Variants in SGPP1 observed in about 807,000 individuals in gnomAD.
The protein encoded by SGPP1 is hSPP1.
A neutral mutation model predicts 33.0 loss-of-function variants in SGPP1; 21 were observed. The observed-to-expected ratio is 0.64, with a 90% CI of 0.45 to 0.92. The LOEUF is 0.92. Among genes scored for constraint, SGPP1 ranks in the 40% least tolerant of loss-of-function variants. The pLI is 0.00. For missense variants in SGPP1, 543 were observed against 589.4 expected (o/e 0.92, Z 0.81); for synonymous variants, 239 against 241.2 (o/e 0.99, Z 0.08).
rs144043622 is a variant in SGPP1, at chr14:63,703,075, C to T, written c.685-4417G>A. Among the ~76,000 whole-genome samples the T allele has an allele frequency of 1.2e-4, 18 of 151,996 alleles. No homozygotes were observed. The East Asian group carries it at 2.7e-3, about 23-fold the overall frequency. The stretch of plus-strand genomic sequence containing the variant: ...GGGCTACTATACCCCCATTCACAGA[C>T]GAAGTGATCCTAAAGATAGAAAATC... On this transcript the variant is annotated intron_variant, in intron 1 of 2. Transcript: ENST00000247225.
chr14:63,689,732 G>A (rs1054117178), intron 2 of SGPP1, among the ~76,000 whole-genome samples: 1 of 151,916 alleles, frequency 6.6e-6, no homozygotes, highest in Non-Finnish European at 1.5e-5. Flanking sequence ...CGGAGGTGGA[G>A]GTTGCAGTGA....
chr14:63,715,869 T>C (rs534992475), intron 1 of SGPP1, among the ~76,000 whole-genome samples: 1 of 152,300 alleles, frequency 6.6e-6, no homozygotes, highest in African/African-American at 2.4e-5. Context: ...AAAGCTCATA[T>C]AAGCTTGCAA....
chr14:63,688,628 C>T lies in SGPP1; in HGVS notation c.775-1972G>A, dbSNP rs933091474. Among the ~76,000 whole-genome samples the T allele has an allele frequency of 2.6e-5, 4 of 152,056 alleles. No homozygotes were observed. The South Asian group carries it at 8.3e-4, about 31-fold the overall frequency. On this transcript the variant is annotated intron_variant, in intron 2 of 2. Coordinates refer to ENST00000247225, the MANE Select transcript of SGPP1 (RefSeq NM_030791.4). ...TTTATATTCACTGTCTCCACTTCCTCACCTCTGATTTTTCTCTAAACTCAC... is the reference window on the plus strand; with the variant it reads ...TTTATATTCACTGTCTCCACTTCCTTACCTCTGATTTTTCTCTAAACTCAC...
chr14:63,694,123 G>C (rs1308454834), intron 2 of SGPP1, among the ~76,000 whole-genome samples: 1 of 151,660 alleles, frequency 6.6e-6, no homozygotes, highest in Non-Finnish European at 1.5e-5. Context: ...CTTCCAAAAA[G>C]AAAAAATAGA....
chr14:63,700,815 CTT>C (rs1885282235), intron 1 of SGPP1, among the ~76,000 whole-genome samples: 1 of 152,094 alleles, frequency 6.6e-6, no homozygotes, highest in Non-Finnish European at 1.5e-5. Context: ...AAAAAAGTGA[CTT>C]ATGCCACTTT....
Position 63,714,010 on chromosome 14 carries a change from G to A in SGPP1, c.684+13251C>T, listed in dbSNP as rs76850014. ...CCAGAAGGTTAACTGGATTCTTTGG[G>A]AGATGGGACAGACTTTTCTTCTGCT... On this transcript the variant is annotated intron_variant, in intron 1 of 2. Transcript: ENST00000247225. 1.6e-4 allele frequency among the ~76,000 whole-genome samples: 24 copies of A among 152,300 alleles called. No homozygotes were observed. In the East Asian group the frequency reaches 4.2e-3, roughly 27 times the overall value.
At position 63,727,553 on chromosome 14, in the gene SGPP1, A is replaced by T. The variant is rs1885911330; in HGVS notation, c.392T>A (p.Leu131Gln). The change falls in exon 1 of 3, where the codon CTG becomes CAG. Residue 131 changes from leucine to glutamine, a missense_variant. By Grantham distance (113) the Leu-to-Gln change is moderately radical. Transcript: ENST00000247225. The stretch of plus-strand genomic sequence containing the variant: ...GCCCAGCTCCGTGCCGAAGCAGAAC[A>T]GGCAGTAGAGCGGCCAGTTGCTCAC... ...ARVSNWPLYC[L>Q]FCFGTELGNE... is the part of the protein sequence containing the mutation. 6.2e-7 allele frequency: 1 copy of T among 1,610,794 alleles called. No homozygotes were observed. Among genetic ancestry groups the T allele is most frequent in the Non-Finnish European group, 8.5e-7 (1 of 1,178,918 alleles).
chr14:63,709,374 C>CA (rs1206188352), intron 1 of SGPP1, among the ~76,000 whole-genome samples: 5,098 of 86,794 alleles, frequency 0.059, 86 homozygotes, highest in East Asian at 0.12. Flanking sequence ...GTCTCTGTCT[C>CA]AAAAAAAAAA....
In SGPP1 at chr14:63,723,896, G is replaced by C. The variant is rs796796653; in HGVS notation, c.684+3365C>G. 6.0e-5 allele frequency among the ~76,000 whole-genome samples: 9 copies of C among 150,468 alleles called. No homozygotes were observed. The East Asian group carries it at 1.4e-3, about 23-fold the overall frequency. On this transcript the variant is annotated intron_variant, in intron 1 of 2. Coordinates refer to ENST00000247225, the MANE Select transcript of SGPP1 (RefSeq NM_030791.4). ...AGTTTGTACGCTGTCTTTTTTTTTTGAGATAGGGTCTTGCCCTGTCATCTA... is the reference window on the plus strand; with the variant it reads ...AGTTTGTACGCTGTCTTTTTTTTTTCAGATAGGGTCTTGCCCTGTCATCTA...
At position 63,685,215 on chromosome 14, in the gene SGPP1, T is replaced by G. The variant is rs529011086; in HGVS notation, c.*890A>C. ...TCTTTCTAAATAAAGGCTAAAGAGT[T>G]AAGGGTAATTTACTTTTATGCCTGT... On this transcript the variant is annotated 3_prime_UTR_variant, in exon 3 of 3. Coordinates refer to ENST00000247225, the MANE Select transcript of SGPP1 (RefSeq NM_030791.4). 1 of 152,622 alleles carries G rather than the reference T, an allele frequency of 6.6e-6. No individual in the cohort carries two copies. Among genetic ancestry groups the G allele is most frequent in the East Asian group, 1.9e-4 (1 of 5,188 alleles). 9.5% of individuals were successfully genotyped at this position (152,622 alleles called of 1,614,324 possible).
At chr14:63,705,595 G>A (rs1366296267) in intron 1 of SGPP1, among the ~76,000 whole-genome samples, 1 of 151,964 alleles carries the variant, frequency 6.6e-6, no homozygotes, top group Non-Finnish European at 1.5e-5. Context: ...TTGAGCCTGG[G>A]AGGTAAAGGT....
rs202052726 is a variant in SGPP1 at position 63,686,808 on chromosome 14, TAA to T, written c.775-154_775-153del. The T allele has an allele frequency of 3.3e-3, 1,817 of 548,174 alleles. 33 individuals carry two copies. The highest frequency in any genetic ancestry group is 0.031 in the African/African-American group (1,651 of 52,514). The allele number at this position is 548,174 out of a possible 1,614,324, so 34.0% of individuals were successfully genotyped here. Reference sequence around the variant, plus strand: ...AAGTAAACTTTATTAACTGACCATATAAGAGGCACTAAAAGCTGTATTAATAA... The same window carrying T: ...AAGTAAACTTTATTAACTGACCATATGAGGCACTAAAAGCTGTATTAATAA... On this transcript the variant is annotated intron_variant, in intron 2 of 2. Coordinates refer to ENST00000247225, the MANE Select transcript of SGPP1 (RefSeq NM_030791.4).
At chr14:63,687,675 T>C (rs1350341092) in intron 2 of SGPP1, among the ~76,000 whole-genome samples, 1 of 152,158 alleles carries the variant, frequency 6.6e-6, no homozygotes, top group Admixed American at 6.5e-5. Context: ...CAAAGGCTTT[T>C]GTAGGCTAGG....
In SGPP1 at chr14:63,686,097, C is replaced by A; in HGVS notation, c.*8G>T. 6.5e-7 allele frequency: 1 copy of A among 1,530,714 alleles called. No individual in the cohort carries two copies. Among genetic ancestry groups the A allele is most frequent in the Non-Finnish European group, 8.9e-7 (1 of 1,128,340 alleles). The allele number at this position is 1,530,714 out of a possible 1,614,324, so 94.8% of individuals were successfully genotyped here. On this transcript the variant is annotated 3_prime_UTR_variant, in exon 3 of 3. Coordinates refer to ENST00000247225, the MANE Select transcript of SGPP1 (RefSeq NM_030791.4). The stretch of plus-strand genomic sequence containing the variant: ...CCCTCCTTTCTTATCATAAACAATA[C>A]TTCTCCATCAAGAGATACCAATAAA...
Position 63,684,440 on chromosome 14 carries a change from A to G in SGPP1, c.*1665T>C, listed in dbSNP as rs898279761. Reference sequence around the variant, plus strand: ...TCTTTTCACATTTTCCAACGTACCAATATTTTCCTACATGCCTTGGTTTCC... The same window carrying G: ...TCTTTTCACATTTTCCAACGTACCAGTATTTTCCTACATGCCTTGGTTTCC... On this transcript the variant is annotated 3_prime_UTR_variant, in exon 3 of 3. Transcript: ENST00000247225. 2 of 152,146 alleles carry G rather than the reference A, an allele frequency of 1.3e-5. No homozygotes were observed. The highest frequency in any genetic ancestry group is 1.3e-4 in the Admixed American group (2 of 15,270). 9.4% of individuals were successfully genotyped at this position (152,146 alleles called of 1,614,324 possible).
chr14:63,727,437 C>T lies in SGPP1; in HGVS notation c.508G>A (p.Val170Ile), dbSNP rs1885908076. Residue 170 changes from valine to isoleucine, a missense_variant, in exon 1 of 3, where the codon GTC becomes ATC. Val to Ile is a conservative substitution (Grantham distance 29). Transcript: ENST00000247225. The part of the protein sequence containing the change: ...GRRLVVIWVL[V>I]MYLGQCTKDI... ...TTGGTGCACTGGCCCAGGTACATGA[C>T]CAGCACCCAGATGACCACGAGCCTC... is the stretch of plus-strand genomic sequence containing the variant. 8 of 1,614,000 alleles carry T rather than the reference C, an allele frequency of 5.0e-6. No individual in the cohort carries two copies. In the South Asian group the frequency reaches 8.8e-5, roughly 18 times the overall value.
At chr14:63,715,971 G>A (rs1314304852) in intron 1 of SGPP1, among the ~76,000 whole-genome samples, 9 of 152,270 alleles carry the variant, frequency 5.9e-5, no homozygotes, top group Admixed American at 3.9e-4. Context: ...CTTAACCTAC[G>A]ATTATTCTGG....
rs1885577340 is a variant in SGPP1 at position 63,714,264 on chromosome 14, T to C, written c.684+12997A>G. Among the ~76,000 whole-genome samples the C allele has an allele frequency of 2.0e-5, 3 of 152,198 alleles. 1 individual carries two copies. Among genetic ancestry groups the C allele is most frequent in the East Asian group, 3.8e-4 (2 of 5,202 alleles). On this transcript the variant is annotated intron_variant, in intron 1 of 2. Coordinates refer to ENST00000247225, the MANE Select transcript of SGPP1 (RefSeq NM_030791.4). ...TTGACTCTTTGGGTGACTGCACATG[T>C]GGTAGCTGGCCCATGTGGTTTTTGA...
At chr14:63,718,016 C>T (rs951079180) in intron 1 of SGPP1, among the ~76,000 whole-genome samples, 4 of 152,136 alleles carry the variant, frequency 2.6e-5, no homozygotes, top group African/African-American at 9.7e-5. Flanking sequence ...GAGGCTGAGG[C>T]AGGCAGATTA....
Sources: gnomAD v4.1 joint callset for allele counts (sites outside exome capture counted in the v4.1 genomes callset) on GRCh38, gnomAD v4.1.1 for gene constraint, MANE v1.5 for transcripts, NCBI Gene and HGNC (gene_info 2026-07-23, HGNC 2026-07-21) for gene names.